NCOA7: variants seen among roughly 807,000 people sequenced by gnomAD.
NCOA7 encodes the protein nuclear receptor coactivator 7, also known as 140 kDa estrogen receptor-associated protein.
Under a neutral mutation model 104.3 loss-of-function variants are expected in NCOA7, and 45 were observed. The observed-to-expected ratio is 0.43, with a 90% confidence interval of 0.34 to 0.55. NCOA7 has a LOEUF of 0.55. NCOA7 is among the 20% of genes least tolerant of loss of function. The probability of loss-of-function intolerance (pLI) is 0.02; values close to 1 mark genes in which losing one functional copy is unlikely to be tolerated. For synonymous variants in NCOA7, 398 were observed against 402.3 expected, an observed-to-expected ratio of 0.99 and a Z score of 0.13; for missense variants, 1,041 against 1,119.7, an observed-to-expected ratio of 0.93 and a Z score of 1.00.
intron 10 of NCOA7, among the ~76,000 whole-genome samples, chr6:125,899,560 C>G (rs1195898461): frequency 1.3e-5 from 2 of 152,134 alleles, no homozygotes; most frequent in African/African-American, 4.8e-5. Flanking sequence ...TTGAAAGTCA[C>G]TAGTAAAGAA....
intron 11 of NCOA7, among the ~76,000 whole-genome samples, chr6:125,916,728 C>T (rs190944159): frequency 9.2e-5 from 14 of 152,290 alleles, no homozygotes; most frequent in Non-Finnish European, 1.9e-4. Context: ...TGGATGAACC[C>T]ACCCTCACAC....
chr6:125,871,765 G>T (rs539312453), intron 3 of NCOA7, among the ~76,000 whole-genome samples: 7 of 152,264 alleles, frequency 4.6e-5, no homozygotes, highest in Admixed American at 3.9e-4. Flanking sequence ...GGAGGCCAAG[G>T]CGGGCAGATC....
intron 1 of NCOA7, among the ~76,000 whole-genome samples, chr6:125,791,757 A>G (rs1774884162): frequency 6.6e-6 from 1 of 152,264 alleles, no homozygotes; most frequent in African/African-American, 2.4e-5. Context: ...TCTGCTGGAA[A>G]GATGTACCGG....
chr6:125,882,640 A>G, intron 7 of NCOA7, 89 bp downstream of exon 7: 1 of 1,483,050 alleles, frequency 6.7e-7, no homozygotes, highest in Non-Finnish European at 9.1e-7. Context: ...GCTACATTAA[A>G]AGATCTTACC....
chr6:125,927,543 T>G, intron 13 of NCOA7, 120 bp from the exon 14 acceptor site: 4 of 737,120 alleles, frequency 5.4e-6, no homozygotes, highest in Non-Finnish European at 9.3e-6. Context: ...TGAGTGCCAA[T>G]TTAGTAATAA....
At chr6:125,828,008 A>G (rs1778811808) in intron 2 of NCOA7, among the ~76,000 whole-genome samples, 1 of 152,260 alleles carries the variant, frequency 6.6e-6, no homozygotes, top group Non-Finnish European at 1.5e-5. Flanking sequence ...TTACAAGACA[A>G]CCACTAAATA....
chr6:125,857,418 C>T (rs1352133804), intron 3 of NCOA7, among the ~76,000 whole-genome samples: 3 of 141,432 alleles, frequency 2.1e-5, no homozygotes, highest in South Asian at 4.3e-4. Context: ...TATACACATA[C>T]ACACACACAC....
Position 125,874,965 on chromosome 6 carries a change from C to T in NCOA7, c.348C>T (p.Tyr116=). 1 of 1,609,176 alleles carries T rather than the reference C, an allele frequency of 6.2e-7. No individual in the cohort carries two copies. The highest frequency in any genetic ancestry group is 1.1e-5 in the South Asian group (1 of 90,948). ...AGAAGCCCCATGGGACTATGGAATA[C>T]ACTGTGAGTATAACCAAGGTGGTAT... The part of the protein sequence containing the change: ...VVQKPHGTME[Y]TAGNQDTLNS... Residue 116 remains tyrosine, a synonymous_variant, in exon 4 of 16, where the codon TAC becomes TAT. Coordinates refer to ENST00000392477, the MANE Select transcript of NCOA7 (RefSeq NM_181782.5).
chr6:125,838,248 G>A (rs533544060), intron 2 of NCOA7, among the ~76,000 whole-genome samples: 12 of 152,258 alleles, frequency 7.9e-5, no homozygotes, highest in Admixed American at 5.9e-4. Flanking sequence ...ATGGGGCTCA[G>A]GGCATGGCCA....
At chr6:125,899,531 T>G (rs983352575) in intron 10 of NCOA7, among the ~76,000 whole-genome samples, 1 of 152,194 alleles carries the variant, frequency 6.6e-6, no homozygotes, top group Non-Finnish European at 1.5e-5. Context: ...ATACTGTAAT[T>G]TTATGATGAT....
At chr6:125,790,491 G>C (rs965874969), upstream of NCOA7, among the ~76,000 whole-genome samples, 2 of 152,168 alleles carry the variant, frequency 1.3e-5, no homozygotes, top group African/African-American at 2.4e-5. Context: ...AGCTCTCCGG[G>C]GCGGAGCCGC....
chr6:125,798,859 A>G (rs187231045), intron 1 of NCOA7, among the ~76,000 whole-genome samples: 2 of 152,262 alleles, frequency 1.3e-5, no homozygotes, highest in Admixed American at 1.3e-4. Flanking sequence ...TTTTAAAGCA[A>G]ATGCATATTC....
chr6:125,911,303 A>G (rs1039012216), intron 10 of NCOA7, among the ~76,000 whole-genome samples: 6 of 152,228 alleles, frequency 3.9e-5, no homozygotes, highest in African/African-American at 9.6e-5. Context: ...TCCAAAGGAC[A>G]TTATGCAAGC....
chr6:125,895,943 A>G (rs1160934279), intron 10 of NCOA7, among the ~76,000 whole-genome samples: 1 of 150,442 alleles, frequency 6.6e-6, no homozygotes, highest in East Asian at 1.9e-4. Flanking sequence ...ATCATATGCT[A>G]TGTTAGTTCA....
chr6:125,827,506 C>A (rs1778768889), intron 2 of NCOA7, among the ~76,000 whole-genome samples: 1 of 152,074 alleles, frequency 6.6e-6, no homozygotes, highest in African/African-American at 2.4e-5. Flanking sequence ...AACAAGACAT[C>A]ATAAAAGAGA....
intron 2 of NCOA7, among the ~76,000 whole-genome samples, chr6:125,835,308 G>A (rs1424865340): frequency 6.6e-6 from 1 of 151,788 alleles, no homozygotes; most frequent in Non-Finnish European, 1.5e-5. Flanking sequence ...CCTTACTTAC[G>A]CAAATTCCTG....
At chr6:125,906,426 G>A (rs560184970) in intron 10 of NCOA7, among the ~76,000 whole-genome samples, 1 of 152,266 alleles carries the variant, frequency 6.6e-6, no homozygotes, top group Non-Finnish European at 1.5e-5. Flanking sequence ...CCAGGAGAGG[G>A]TTTTTCCTAG....
At chr6:125,783,013 T>C (rs1282991252) in intron 1 of NCOA7, among the ~76,000 whole-genome samples, 1 of 152,220 alleles carries the variant, frequency 6.6e-6, no homozygotes, top group Middle Eastern at 3.2e-3. Flanking sequence ...ATCTGGCCAT[T>C]GCTGCCTTTG....
intron 1 of NCOA7, among the ~76,000 whole-genome samples, chr6:125,793,219 C>T (rs765020118): frequency 5.3e-5 from 8 of 152,158 alleles, no homozygotes; most frequent in Non-Finnish European, 1.2e-4. Flanking sequence ...AAGATAATTA[C>T]ATTTTACACT....
Sources: gnomAD v4.1 joint callset for allele counts (sites outside exome capture counted in the v4.1 genomes callset) on GRCh38, gnomAD v4.1.1 for gene constraint, MANE v1.5 for transcripts, NCBI Gene and HGNC (gene_info 2026-07-23, HGNC 2026-07-21) for gene names.